Variants in DMRT1 observed in about 807,000 individuals in gnomAD.
DMRT1 encodes the protein doublesex- and mab-3-related transcription factor 1.
A neutral mutation model predicts 32.3 loss-of-function variants in DMRT1; 7 were observed. That is an observed-to-expected ratio of 0.22 (90% CI 0.12 to 0.41). The LOEUF (loss-of-function observed/expected upper bound fraction) is 0.41, where lower values mean the gene tolerates loss of function less well. DMRT1 is among the 10% of genes least tolerant of loss of function. The probability of loss-of-function intolerance (pLI) is 1.00; values close to 1 mark genes in which losing one functional copy is unlikely to be tolerated. For synonymous variants in DMRT1, 278 were observed against 206.1 expected, an observed-to-expected ratio of 1.35 and a Z score of -2.99; for missense variants, 625 against 500.5, an observed-to-expected ratio of 1.25 and a Z score of -2.37.
chr9:873,741 A>C lies in DMRT1; in HGVS notation c.539-20171A>C, dbSNP rs553713728. Reference sequence around the variant, plus strand: ...GTGAAAGGCAGTGGAAAGGTGTTTTAATAACTGGGGGAATGGCCTTCTAAT... The same window carrying C: ...GTGAAAGGCAGTGGAAAGGTGTTTTCATAACTGGGGGAATGGCCTTCTAAT... On this transcript the variant is annotated intron_variant, in intron 2 of 4. Coordinates refer to ENST00000382276, the MANE Select transcript of DMRT1 (RefSeq NM_021951.3). Among the ~76,000 whole-genome samples the C allele has an allele frequency of 9.2e-4, 139 of 151,808 alleles. 1 individual carries two copies. Among genetic ancestry groups the C allele is most frequent in the African/African-American group, 3.3e-3 (135 of 41,074 alleles).
At chr9:921,325 C>T (rs934479704) in intron 4 of DMRT1, among the ~76,000 whole-genome samples, 1 of 152,140 alleles carries the variant, frequency 6.6e-6, no homozygotes, top group Non-Finnish European at 1.5e-5. Context: ...GTATTTCATT[C>T]GTTTTTGTGG....
At chr9:886,588 T>C (rs1586567489) in intron 2 of DMRT1, among the ~76,000 whole-genome samples, 1 of 152,132 alleles carries the variant, frequency 6.6e-6, no homozygotes, top group East Asian at 1.9e-4. Context: ...CTTTTTTTTT[T>C]CCTGTGGCTC....
intron 3 of DMRT1, 128 bp from the exon 4 acceptor site, chr9:916,635 G>C: frequency 4.4e-6 from 5 of 1,142,032 alleles, no homozygotes; most frequent in Non-Finnish European, 6.5e-6. Context: ...GCCTCCCAAG[G>C]TGTCGGGAAC....
chr9:934,183 CT>C (rs1395596728), intron 4 of DMRT1, among the ~76,000 whole-genome samples: 2 of 152,194 alleles, frequency 1.3e-5, no homozygotes, highest in Admixed American at 6.5e-5. Flanking sequence ...AAAACCAAAA[CT>C]GGGGATGTAG....
chr9:893,870 C>T (rs376905445), intron 2 of DMRT1, 42 bp from the exon 3 acceptor site: 1 of 1,587,186 alleles, frequency 6.3e-7, no homozygotes, highest in East Asian at 2.2e-5. Flanking sequence ...CGTGGACTAA[C>T]ATTAATACCA....
At chr9:943,973 A>T (rs1017019075) in intron 4 of DMRT1, among the ~76,000 whole-genome samples, 4 of 152,160 alleles carry the variant, frequency 2.6e-5, no homozygotes, top group African/African-American at 9.7e-5. Context: ...AGCATTGCAT[A>T]ATGGTTGAGA....
intron 2 of DMRT1, among the ~76,000 whole-genome samples, chr9:861,825 C>T (rs1277228529): frequency 2.2e-5 from 3 of 137,116 alleles, no homozygotes; most frequent in African/African-American, 8.5e-5. Flanking sequence ...CTCCTTCAGA[C>T]GGGGCGGCCG....
chr9:865,574 T>C (rs1055335464), intron 2 of DMRT1, among the ~76,000 whole-genome samples: 28 of 152,168 alleles, frequency 1.8e-4, no homozygotes, highest in African/African-American at 6.5e-4. Context: ...AGCAGATGAA[T>C]GAGCCCGGAT....
chr9:868,871 A>G (rs1424195933), intron 2 of DMRT1, among the ~76,000 whole-genome samples: 1 of 152,094 alleles, frequency 6.6e-6, no homozygotes, highest in Non-Finnish European at 1.5e-5. Context: ...TTAGCTGGGT[A>G]TGGTGGCACA....
intron 3 of DMRT1, among the ~76,000 whole-genome samples, chr9:916,342 TC>T (rs1201884929): frequency 6.6e-6 from 1 of 151,718 alleles, no homozygotes; most frequent in Non-Finnish European, 1.5e-5. Context: ...TGAGGCCACT[TC>T]CAACTTAGAT....
intron 2 of DMRT1, among the ~76,000 whole-genome samples, chr9:851,428 A>G (rs1468130574): frequency 6.6e-6 from 1 of 150,718 alleles, no homozygotes; most frequent in Non-Finnish European, 1.5e-5. Flanking sequence ...TAGTAGAGAC[A>G]GAGTTTCACC....
At chr9:853,266 C>T (rs1454081750) in intron 2 of DMRT1, among the ~76,000 whole-genome samples, 3 of 151,906 alleles carry the variant, frequency 2.0e-5, no homozygotes, top group Non-Finnish European at 2.9e-5. Flanking sequence ...ATCCAGAGTC[C>T]GTAGTTTGCA....
intron 3 of DMRT1, among the ~76,000 whole-genome samples, chr9:911,243 A>T (rs1207468134): frequency 6.6e-6 from 1 of 152,086 alleles, no homozygotes; most frequent in Non-Finnish European, 1.5e-5. Flanking sequence ...CCCTTGTCAC[A>T]ATCAAAAGCG....
At chr9:847,689 G>C (rs1026311264) in intron 2 of DMRT1, among the ~76,000 whole-genome samples, 3 of 152,144 alleles carry the variant, frequency 2.0e-5, no homozygotes, top group African/African-American at 7.2e-5. Context: ...GATTGGCCAA[G>C]TTTACTGAAT....
intron 4 of DMRT1, among the ~76,000 whole-genome samples, chr9:958,442 C>G (rs1390351975): frequency 6.6e-6 from 1 of 152,204 alleles, no homozygotes; most frequent in Non-Finnish European, 1.5e-5. Flanking sequence ...TCTCAGCTTA[C>G]TGCAACCTCC....
At chr9:901,842 G>C (rs1328455872) in intron 3 of DMRT1, among the ~76,000 whole-genome samples, 1 of 150,458 alleles carries the variant, frequency 6.6e-6, no homozygotes, top group Non-Finnish European at 1.5e-5. Context: ...TTATCCACAA[G>C]ATAACACCCT....
intron 4 of DMRT1, among the ~76,000 whole-genome samples, chr9:938,416 A>T (rs1049451543): frequency 6.6e-6 from 1 of 152,146 alleles, no homozygotes; most frequent in African/African-American, 2.4e-5. Flanking sequence ...ACACGGGATG[A>T]TGTCTTTCTA....
At chr9:914,330 T>C (rs541212687) in intron 3 of DMRT1, among the ~76,000 whole-genome samples, 32 of 152,150 alleles carry the variant, frequency 2.1e-4, no homozygotes, top group African/African-American at 7.2e-4. Context: ...ATCCCAGCAC[T>C]TTGGGAGGCC....
intron 2 of DMRT1, among the ~76,000 whole-genome samples, chr9:883,455 G>A (rs1045816946): frequency 1.4e-4 from 21 of 151,900 alleles, no homozygotes; most frequent in African/African-American, 5.1e-4. Context: ...AGTCATCATC[G>A]AATGACACAG....
Sources: gnomAD v4.1 joint callset for allele counts (sites outside exome capture counted in the v4.1 genomes callset) on GRCh38, gnomAD v4.1.1 for gene constraint, MANE v1.5 for transcripts, NCBI Gene and HGNC (gene_info 2026-07-23, HGNC 2026-07-21) for gene names.